Variants in DHRS3 observed in about 807,000 individuals in gnomAD.
DHRS3 encodes short-chain dehydrogenase/reductase 3.
DHRS3 carries 14 observed loss-of-function variants against 27.2 expected under a neutral mutation model. The ratio of observed to expected loss-of-function variants is 0.52; its 90% CI spans 0.34 to 0.81. DHRS3 has a LOEUF of 0.81. Ranked by LOEUF, DHRS3 falls within the 30% of genes least tolerant of loss-of-function variation. The pLI is 0.01. For synonymous variants in DHRS3, 165 were observed against 175.9 expected, an observed-to-expected ratio of 0.94 and a Z score of 0.49; for missense variants, 322 against 406.2, an observed-to-expected ratio of 0.79 and a Z score of 1.78.
chr1:12,596,822 T>C (rs10864573), intron 1 of DHRS3, among the ~76,000 whole-genome samples: 64,881 of 151,888 alleles, frequency 0.43, 14,808 homozygotes, highest in South Asian at 0.57. Context: ...GCAGGGCCGG[T>C]CAGAAGCCTC....
chr1:12,569,319 C>T (rs1419983934), intron 5 of DHRS3, among the ~76,000 whole-genome samples: 1 of 149,856 alleles, frequency 6.7e-6, no homozygotes, highest in Non-Finnish European at 1.5e-5. Flanking sequence ...TCAGAGCAAA[C>T]TTTTTTTTTA....
intron 3 of DHRS3, 27 bp downstream of exon 3, chr1:12,579,266 C>A: frequency 1.9e-6 from 3 of 1,614,054 alleles, no homozygotes; most frequent in Non-Finnish European, 2.5e-6. Context: ...ACGCCCGGGG[C>A]TGGCTCTGGC....
intron 1 of DHRS3, chr1:12,596,332 G>C (rs1443110947): frequency 6.6e-6 from 1 of 152,228 alleles, no homozygotes; most frequent in East Asian, 1.9e-4. Context: ...AAACCCGAGG[G>C]CTGGGCCTCC....
chr1:12,568,874 C>T (rs1037410292), intron 5 of DHRS3, among the ~76,000 whole-genome samples: 1 of 152,116 alleles, frequency 6.6e-6, no homozygotes, highest in Non-Finnish European at 1.5e-5. Context: ...TTGAAGTGAG[C>T]TGAGATTGTA....
intron 1 of DHRS3, chr1:12,596,276 A>C (rs1646796591): frequency 6.6e-6 from 1 of 152,032 alleles, no homozygotes; most frequent in African/African-American, 2.4e-5. Context: ...CTCCGGGGGC[A>C]GCCTCTCCTC....
chr1:12,571,305 C>T (rs887143364), intron 5 of DHRS3, among the ~76,000 whole-genome samples: 3 of 152,190 alleles, frequency 2.0e-5, no homozygotes, highest in Non-Finnish European at 4.4e-5. Context: ...TTTATAAAGC[C>T]TGCCTCCCCA....
rs766328136 is a variant in DHRS3, at chr1:12,568,462, G to A, written c.825-38C>T. The stretch of plus-strand genomic sequence containing the variant: ...GAAGAAAAGAAGATAGCGATGGTTA[G>A]TGGGGCAGGATCCAGGGGCTGGGTC... On this transcript the variant is annotated intron_variant, in intron 5 of 5. Transcript: ENST00000616661. 1.7e-5 allele frequency: 27 copies of A among 1,600,852 alleles called. No individual in the cohort carries two copies. In the Admixed American group the frequency reaches 4.5e-4, roughly 27 times the overall value.
chr1:12,598,531 C>T (rs1026870766), intron 1 of DHRS3, among the ~76,000 whole-genome samples: 15 of 152,302 alleles, frequency 9.8e-5, no homozygotes, highest in South Asian at 4.1e-4. Context: ...TTTTGACACA[C>T]GCGTTTAGAG....
intron 1 of DHRS3, chr1:12,616,829 G>T (rs552456617): frequency 1.8e-4 from 197 of 1,067,056 alleles, no homozygotes; most frequent in Non-Finnish European, 2.2e-4. Flanking sequence ...GGGGGAAGGC[G>T]GGGGAGGGGG....
chr1:12,603,937 GA>G (rs1471565745), intron 1 of DHRS3, among the ~76,000 whole-genome samples: 1 of 152,172 alleles, frequency 6.6e-6, no homozygotes, highest in Non-Finnish European at 1.5e-5. Flanking sequence ...CCTCTCACAC[GA>G]GCTCTCGCCC....
At chr1:12,610,773 A>G (rs1646904029) in intron 1 of DHRS3, among the ~76,000 whole-genome samples, 1 of 152,214 alleles carries the variant, frequency 6.6e-6, no homozygotes, top group South Asian at 2.1e-4. Flanking sequence ...TCATCTGAAT[A>G]ATATGTTTGA....
intron 1 of DHRS3, among the ~76,000 whole-genome samples, chr1:12,603,945 G>T (rs919610770): frequency 6.6e-6 from 1 of 152,114 alleles, no homozygotes; most frequent in African/African-American, 2.4e-5. Context: ...ACGAGCTCTC[G>T]CCCTGAGCCT....
intron 5 of DHRS3, among the ~76,000 whole-genome samples, chr1:12,569,225 T>TCACACACACACACACACA (rs1557509277): frequency 1.7e-5 from 2 of 118,028 alleles, no homozygotes; most frequent in African/African-American, 7.8e-5. Flanking sequence ...CCCCTCTCTC[T>TCACACACACACACACACA]CTCTCTCACA....
At position 12,578,936 on chromosome 1, in the gene DHRS3, C is replaced by T. The variant is rs2275875; in HGVS notation, c.480G>A (p.Pro160=). The part of the protein sequence containing the change: ...GQFWTTKAFL[P]RMLELQNGHI... ...GGCCATTCTGCAGCTCCAGCATACG[C>T]GGCAGGAAGGCCTTGGTGGTCTGAG... is the stretch of plus-strand genomic sequence containing the variant. The change falls in exon 4 of 6, where the codon CCG becomes CCA. Residue 160 remains proline (P), a synonymous_variant. Coordinates refer to ENST00000616661, the MANE Select transcript of DHRS3 (RefSeq NM_004753.7). The surrounding 1 kb of genome is among the most constrained non-coding windows in gnomAD (Gnocchi z 4.5). The T allele has an allele frequency of 0.15, 243,145 of 1,612,624 alleles. 20,235 individuals carry two copies. The highest frequency in any genetic ancestry group is 0.32 in the Admixed American group (18,874 of 59,888).
rs746620671 is a variant in DHRS3, at chr1:12,617,259, G to T, written c.90C>A (p.Pro30=). The stretch of plus-strand genomic sequence containing the variant: ...CCCGCGACAGGTCCCGCAGCTTGGC[G>T]GGCAGCACCAGTCCGACGGCTGCTT... ...VVKAAVGLVL[P]AKLRDLSREN... Residue 30 remains proline, a synonymous_variant, in exon 1 of 6, where the codon CCC becomes CCA. Transcript: ENST00000616661. The T allele has an allele frequency of 1.2e-6, 2 of 1,613,688 alleles. No individual in the cohort carries two copies. The highest frequency in any genetic ancestry group is 2.7e-5 in the African/African-American group (2 of 74,938).
rs115746603 is a variant in DHRS3, at chr1:12,574,770, A to C, written c.699-1917T>G. Among the ~76,000 whole-genome samples, 33 of 152,328 alleles carry C rather than the reference A, an allele frequency of 2.2e-4. No individual in the cohort carries two copies. The highest frequency in any genetic ancestry group is 7.9e-4 in the African/African-American group (33 of 41,576). ...GCGCAGGATTTTCTCCTTCCTCTCC[A>C]CGGTGTGTGGGATGGGGACACGGGG... On this transcript the variant is annotated intron_variant, in intron 4 of 5. Coordinates refer to ENST00000616661, the MANE Select transcript of DHRS3 (RefSeq NM_004753.7). This position sits in a 1 kb window ranked among gnomAD's most constrained non-coding sequence, Gnocchi z 4.6.
At chr1:12,588,898 T>C (rs1406340783) in intron 1 of DHRS3, among the ~76,000 whole-genome samples, 1 of 152,232 alleles carries the variant, frequency 6.6e-6, no homozygotes, top group East Asian at 1.9e-4. Context: ...GGCCAGCTCA[T>C]GTCCCATGGG....
intron 1 of DHRS3, among the ~76,000 whole-genome samples, chr1:12,585,131 G>A (rs762573592): frequency 1.3e-5 from 2 of 150,636 alleles, no homozygotes; most frequent in Admixed American, 6.6e-5. Context: ...GTGTGAGAGA[G>A]AGTGTGTGTG....
At chr1:12,609,884 C>A (rs1646895016) in intron 1 of DHRS3, among the ~76,000 whole-genome samples, 2 of 152,162 alleles carry the variant, frequency 1.3e-5, no homozygotes, top group Non-Finnish European at 2.9e-5. Flanking sequence ...AGAGCCCTTG[C>A]CCTGTCCTCT....
Sources: gnomAD v4.1 joint callset for allele counts (sites outside exome capture counted in the v4.1 genomes callset) on GRCh38, gnomAD v4.1.1 for gene constraint, Gnocchi (gnomAD v3.1) non-coding constraint, MANE v1.5 for transcripts, NCBI Gene and HGNC (gene_info 2026-07-23, HGNC 2026-07-21) for gene names.